Variants in CTNND2 observed in about 807,000 individuals in gnomAD.
CTNND2 encodes catenin delta 2, also known as catenin delta-2.
CTNND2 carries 22 observed loss-of-function variants against 144.4 expected under a neutral mutation model. That is an observed-to-expected ratio of 0.15 (90% confidence interval 0.11 to 0.22). The LOEUF is 0.22. Among genes scored for constraint, CTNND2 ranks in the 10% least tolerant of loss-of-function variants. The pLI is 1.00. For missense variants in CTNND2, 1,353 were observed against 1,618.8 expected, an observed-to-expected ratio of 0.84 and a Z score of 2.82; for synonymous variants, 751 against 695.6, an observed-to-expected ratio of 1.08 and a Z score of -1.25.
At chr5:11,155,830 C>T (rs904241888) in intron 12 of CTNND2, among the ~76,000 whole-genome samples, 10 of 152,010 alleles carry the variant, frequency 6.6e-5, no homozygotes, top group African/African-American at 9.7e-5. Flanking sequence ...GAATTTCAAA[C>T]GAAAAAGGAC....
chr5:11,164,776 C>T (rs1464474805), intron 11 of CTNND2, among the ~76,000 whole-genome samples: 1 of 152,206 alleles, frequency 6.6e-6, no homozygotes, highest in Admixed American at 6.5e-5. Context: ...AGTCTACCTT[C>T]CCAGATGCTT....
intron 9 of CTNND2, among the ~76,000 whole-genome samples, chr5:11,257,103 AT>A (rs1446301145): frequency 1.3e-5 from 2 of 152,230 alleles, no homozygotes; most frequent in Non-Finnish European, 2.9e-5. Context: ...CTCTAGTCAT[AT>A]TACATAGACC....
intron 9 of CTNND2, among the ~76,000 whole-genome samples, chr5:11,330,583 G>A (rs1753024699): frequency 6.6e-6 from 1 of 151,042 alleles, no homozygotes; most frequent in Non-Finnish European, 1.5e-5. Context: ...GATTGCAGAA[G>A]GGCGAGGCGG....
intron 6 of CTNND2, among the ~76,000 whole-genome samples, chr5:11,394,628 G>A (rs27854): frequency 0.95 from 145,023 of 152,308 alleles, 69,076 homozygotes; most frequent in East Asian, 0.97. Context: ...ATTTTAAAGA[G>A]TAATGTCAGA....
intron 15 of CTNND2, among the ~76,000 whole-genome samples, chr5:11,088,504 A>C (rs891978200): frequency 6.6e-6 from 1 of 152,174 alleles, no homozygotes; most frequent in Admixed American, 6.5e-5. Context: ...TTTCATCTAC[A>C]TATTTTTTTT....
chr5:11,096,477 C>CATCA (rs1751362722), intron 15 of CTNND2, among the ~76,000 whole-genome samples: 1 of 152,126 alleles, frequency 6.6e-6, no homozygotes, highest in South Asian at 2.1e-4. Context: ...ATCCATGTCC[C>CATCA]TGCTAAGGAC....
intron 18 of CTNND2, among the ~76,000 whole-genome samples, chr5:10,996,079 G>A (rs1377266897): frequency 1.3e-5 from 2 of 152,172 alleles, no homozygotes; most frequent in Admixed American, 6.5e-5. Context: ...TGCCGGACAG[G>A]GCTGGAGGCT....
rs536341467 is a variant in CTNND2 at position 11,300,310 on chromosome 5, C to T, written c.1628+46062G>A. Among the ~76,000 whole-genome samples the T allele has an allele frequency of 5.9e-5, 9 of 152,268 alleles. No homozygotes were observed. The South Asian group carries it at 1.9e-3, about 32-fold the overall frequency. Reference sequence around the variant, plus strand: ...TGAAAAACAGGGTAGGCAGAGGACACCCAAGGGAACTTCACAGCCTGGAAG... The same window carrying T: ...TGAAAAACAGGGTAGGCAGAGGACATCCAAGGGAACTTCACAGCCTGGAAG... On this transcript the variant is annotated intron_variant, in intron 9 of 21. Coordinates refer to ENST00000304623, the MANE Select transcript of CTNND2 (RefSeq NM_001332.4).
At chr5:11,666,455 G>A (rs1471300790) in intron 2 of CTNND2, among the ~76,000 whole-genome samples, 1 of 152,202 alleles carries the variant, frequency 6.6e-6, no homozygotes, top group Non-Finnish European at 1.5e-5. Flanking sequence ...GCTTTAAAGA[G>A]TTTTCATAGA....
intron 10 of CTNND2, among the ~76,000 whole-genome samples, chr5:11,208,957 A>T (rs1233054196): frequency 6.6e-6 from 1 of 152,132 alleles, no homozygotes; most frequent in Admixed American, 6.5e-5. Flanking sequence ...GTGTTTTCCT[A>T]ATTACCAGTG....
In CTNND2 at chr5:11,564,955, C is replaced by T. The variant is rs1776959316; in HGVS notation, c.276G>A (p.Met92Ile). The T allele has an allele frequency of 6.2e-7, 1 of 1,613,454 alleles. No individual in the cohort carries two copies. Among genetic ancestry groups the T allele is most frequent in the South Asian group, 1.1e-5 (1 of 91,060 alleles). Reference sequence around the variant, plus strand: ...AGCGGCGCTAGTACCTCATGCTGCTCATGCTGCCAGTCTCGGATCCGAGCT... The same window carrying T: ...AGCGGCGCTAGTACCTCATGCTGCTTATGCTGCCAGTCTCGGATCCGAGCT... The part of the protein sequence containing the change: ...RCKLGSETGS[M>I]SSMSSAEEQF... The change falls in exon 3 of 22, where the codon ATG (methionine) becomes ATA (isoleucine). Residue 92 changes from methionine (M) to isoleucine (I), a missense_variant. Met to Ile is a conservative substitution (Grantham distance 10, BLOSUM62 1). This residue lies in a region of CTNND2 where 708 missense variants were observed against 706.4 expected (regional missense o/e 1.00). Transcript: ENST00000304623.
chr5:11,749,482 A>G (rs1312403517), intron 1 of CTNND2, among the ~76,000 whole-genome samples: 1 of 152,046 alleles, frequency 6.6e-6, no homozygotes, highest in Non-Finnish European at 1.5e-5. Flanking sequence ...CCCAAATTGT[A>G]TTCTGCATAG....
chr5:11,620,867 G>A (rs964065332), intron 2 of CTNND2, among the ~76,000 whole-genome samples: 2 of 152,124 alleles, frequency 1.3e-5, no homozygotes, highest in Non-Finnish European at 2.9e-5. Context: ...CAGAATTTCT[G>A]GATGTCGAAT....
At chr5:10,997,460 T>C (rs1334342513) in intron 18 of CTNND2, among the ~76,000 whole-genome samples, 1 of 151,848 alleles carries the variant, frequency 6.6e-6, no homozygotes, top group African/African-American at 2.4e-5. Flanking sequence ...GGCGTGGCAG[T>C]GCGTGCCTGT....
chr5:11,810,409 T>A (rs1351244074), intron 1 of CTNND2, among the ~76,000 whole-genome samples: 1 of 152,190 alleles, frequency 6.6e-6, no homozygotes, highest in Non-Finnish European at 1.5e-5. Context: ...CTTTTTAAGC[T>A]TAATCTTGAA....
chr5:10,984,358 T>C (rs1178108768), intron 20 of CTNND2, among the ~76,000 whole-genome samples: 2 of 152,240 alleles, frequency 1.3e-5, no homozygotes, highest in South Asian at 2.1e-4. Flanking sequence ...AATTTGCTGA[T>C]AGAAAATGTC....
At chr5:11,642,739 G>A (rs959983986) in intron 2 of CTNND2, among the ~76,000 whole-genome samples, 3 of 152,164 alleles carry the variant, frequency 2.0e-5, no homozygotes, top group African/African-American at 7.2e-5. Context: ...AAACCAACTG[G>A]CATTCAGTCT....
At position 11,380,851 on chromosome 5, in the gene CTNND2, G is replaced by A. The variant is rs182865479; in HGVS notation, c.1177+3814C>T. ...TCTAATTTCTGGAAATGTTTATAGC[G>A]AAACAAGAAAAACTTGAAAAACTCT... On this transcript the variant is annotated intron_variant, in intron 7 of 21. Transcript: ENST00000304623. Among the ~76,000 whole-genome samples the A allele has an allele frequency of 5.0e-4, 76 of 152,292 alleles. 1 individual carries two copies. The highest frequency in any genetic ancestry group is 3.3e-3 in the South Asian group (16 of 4,820).
intron 3 of CTNND2, among the ~76,000 whole-genome samples, chr5:11,521,657 C>T (rs768822472): frequency 2.0e-5 from 3 of 152,252 alleles, no homozygotes; most frequent in Non-Finnish European, 4.4e-5. Flanking sequence ...AAAAATTAGG[C>T]ATTTAGTAAA....
Sources: gnomAD v4.1 joint callset for allele counts (sites outside exome capture counted in the v4.1 genomes callset) on GRCh38, gnomAD v4.1.1 for gene constraint, gnomAD v4.1.1 regional missense constraint, MANE v1.5 for transcripts, NCBI Gene and HGNC (gene_info 2026-07-23, HGNC 2026-07-21) for gene names.